Variants in CSMD1 observed in about 807,000 individuals in gnomAD.
The protein encoded by CSMD1 is CUB and sushi domain-containing protein 1.
Under a neutral mutation model 417.5 loss-of-function variants are expected in CSMD1, and 213 were observed. The observed-to-expected ratio is 0.51, with a 90% CI of 0.46 to 0.57. The LOEUF (loss-of-function observed/expected upper bound fraction) is 0.57, where lower values mean the gene tolerates loss of function less well. CSMD1 is among the 20% of genes least tolerant of loss of function. The pLI, the probability that CSMD1 is intolerant of heterozygous loss-of-function variation, is 0.00. For synonymous variants in CSMD1, 2,862 were observed against 1,736.8 expected (o/e 1.65, Z -16.11); for missense variants, 6,923 against 4,529.7 (o/e 1.53, Z -15.17).
intron 40 of CSMD1, among the ~76,000 whole-genome samples, chr8:3,150,375 C>A (rs1486586357): frequency 1.3e-5 from 2 of 152,138 alleles, no homozygotes; most frequent in African/African-American, 4.8e-5. Flanking sequence ...TGTTGGTCAA[C>A]TGCATTTCCC....
intron 2 of CSMD1, among the ~76,000 whole-genome samples, chr8:4,529,714 C>G (rs2177899): frequency 0.3 from 45,847 of 151,718 alleles, 7,752 homozygotes; most frequent in South Asian, 0.44. Flanking sequence ...TGTGGCAATC[C>G]TACTATGGGG....
chr8:3,555,864 C>T (rs192047871), intron 10 of CSMD1, among the ~76,000 whole-genome samples: 14 of 152,162 alleles, frequency 9.2e-5, no homozygotes, highest in Admixed American at 7.2e-4. Flanking sequence ...CATAGTGGAG[C>T]ATTTTAATAA....
At chr8:4,242,755 C>T (rs988496998) in intron 3 of CSMD1, among the ~76,000 whole-genome samples, 3 of 152,152 alleles carry the variant, frequency 2.0e-5, no homozygotes, top group African/African-American at 7.2e-5. Flanking sequence ...ACAATCTGAA[C>T]ATCCCTGGAT....
At chr8:3,334,636 G>C (rs758680924) in intron 23 of CSMD1, among the ~76,000 whole-genome samples, 1 of 152,194 alleles carries the variant, frequency 6.6e-6, no homozygotes, top group Non-Finnish European at 1.5e-5. Flanking sequence ...GTCAATATCA[G>C]ATCACCCACC....
chr8:4,206,643 G>T (rs187731285), intron 3 of CSMD1, among the ~76,000 whole-genome samples: 1 of 152,124 alleles, frequency 6.6e-6, no homozygotes, highest in African/African-American at 2.4e-5. Context: ...TGCAATAAAC[G>T]TATGTGTGCA....
rs565749835 is a variant in CSMD1 at position 4,243,788 on chromosome 8, A to T, written c.415+176165T>A. 3.3e-5 allele frequency among the ~76,000 whole-genome samples: 5 copies of T among 152,354 alleles called. No homozygotes were observed. The East Asian group carries it at 7.7e-4, about 24-fold the overall frequency. ...TAGTATTCAACGAGGAAAGAAAGAA[A>T]AGCAAATCATGACAAGGTCATCTTT... On this transcript the variant is annotated intron_variant, in intron 3 of 69. Coordinates refer to ENST00000635120, the MANE Select transcript of CSMD1 (RefSeq NM_033225.6).
chr8:4,453,660 A>T (rs1229570164), intron 2 of CSMD1, among the ~76,000 whole-genome samples: 2 of 151,776 alleles, frequency 1.3e-5, no homozygotes, highest in Admixed American at 6.6e-5. Context: ...AGCCCCCGAC[A>T]CCTGCAGGTC....
At chr8:4,836,642 T>A (rs1459177775) in intron 1 of CSMD1, among the ~76,000 whole-genome samples, 1 of 152,206 alleles carries the variant, frequency 6.6e-6, no homozygotes, top group Non-Finnish European at 1.5e-5. Flanking sequence ...TAAAAGGCAG[T>A]CAGTACTTAA....
At chr8:4,977,094 A>T (rs913135261) in intron 1 of CSMD1, among the ~76,000 whole-genome samples, 1 of 152,196 alleles carries the variant, frequency 6.6e-6, no homozygotes, top group South Asian at 2.1e-4. Context: ...CGTTTCTCTC[A>T]AGATGGAGCA....
chr8:3,241,837 C>G (rs1051323951), intron 26 of CSMD1, among the ~76,000 whole-genome samples: 1 of 151,978 alleles, frequency 6.6e-6, no homozygotes, highest in East Asian at 1.9e-4. Context: ...TGCCTCTATT[C>G]TATTATTGTA....
chr8:3,640,490 A>G (rs2469376), intron 7 of CSMD1, among the ~76,000 whole-genome samples: 77,406 of 152,010 alleles, frequency 0.51, 20,078 homozygotes, highest in Middle Eastern at 0.65. Flanking sequence ...TTGTCTAATC[A>G]GTTAATGGAA....
intron 1 of CSMD1, among the ~76,000 whole-genome samples, chr8:4,772,582 CAA>C (rs1285969069): frequency 2.6e-5 from 4 of 151,970 alleles, no homozygotes; most frequent in Admixed American, 1.3e-4. Context: ...TGAAAAATAT[CAA>C]AGTGTTTTGA....
chr8:3,820,267 G>A (rs1027837066), intron 5 of CSMD1, among the ~76,000 whole-genome samples: 9 of 152,234 alleles, frequency 5.9e-5, no homozygotes, highest in East Asian at 1.9e-4. Context: ...CAAATGGGAA[G>A]GTAGAAATAT....
At chr8:3,880,238 T>A (rs776991001) in intron 5 of CSMD1, among the ~76,000 whole-genome samples, 3 of 152,168 alleles carry the variant, frequency 2.0e-5, no homozygotes, top group Non-Finnish European at 2.9e-5. Context: ...TCTATATGAA[T>A]CACCTTCTCT....
intron 1 of CSMD1, among the ~76,000 whole-genome samples, chr8:4,758,431 T>C (rs1443513896): frequency 1.3e-5 from 2 of 152,040 alleles, no homozygotes; most frequent in East Asian, 3.9e-4. Flanking sequence ...CAAAATGGCA[T>C]AAAGGTGACA....
At chr8:4,944,887 G>C (rs1808266454) in intron 1 of CSMD1, among the ~76,000 whole-genome samples, 2 of 152,038 alleles carry the variant, frequency 1.3e-5, no homozygotes, top group South Asian at 4.2e-4. Flanking sequence ...ATATAATAGA[G>C]GAATCCACTT....
At position 3,972,485 on chromosome 8, in the gene CSMD1, G is replaced by C. The variant is rs140753678; in HGVS notation, c.818+25418C>G. Among the ~76,000 whole-genome samples the C allele has an allele frequency of 3.0e-3, 452 of 152,148 alleles. 2 individuals carry two copies. The highest frequency in any genetic ancestry group is 0.01 in the African/African-American group (435 of 41,518). On this transcript the variant is annotated intron_variant, in intron 5 of 69. Coordinates refer to ENST00000635120, the MANE Select transcript of CSMD1 (RefSeq NM_033225.6). The stretch of plus-strand genomic sequence containing the variant: ...GGCTTCTTTCATTCCTTTCTCATTG[G>C]AATGAATTTTTGCCTCTGTCATTCT...
intron 12 of CSMD1, among the ~76,000 whole-genome samples, chr8:3,449,620 C>T (rs999436405): frequency 6.6e-6 from 1 of 151,884 alleles, no homozygotes; most frequent in Non-Finnish European, 1.5e-5. Flanking sequence ...TGGGTTCAAG[C>T]AATACTCCTG....
intron 26 of CSMD1, among the ~76,000 whole-genome samples, chr8:3,259,750 A>G (rs975946246): frequency 6.6e-6 from 1 of 152,246 alleles, no homozygotes; most frequent in Non-Finnish European, 1.5e-5. Flanking sequence ...TAAATGGTCT[A>G]AAACATGAGT....
Sources: gnomAD v4.1 joint callset for allele counts (sites outside exome capture counted in the v4.1 genomes callset) on GRCh38, gnomAD v4.1.1 for gene constraint, MANE v1.5 for transcripts, NCBI Gene and HGNC (gene_info 2026-07-23, HGNC 2026-07-21) for gene names.